Variants in DAAM2 observed in about 807,000 individuals in gnomAD.
DAAM2 encodes dishevelled associated activator of morphogenesis 2.
Under a neutral mutation model 120.7 loss-of-function variants are expected in DAAM2, and 39 were observed. The observed-to-expected ratio is 0.32, with a 90% CI of 0.25 to 0.42. The LOEUF (loss-of-function observed/expected upper bound fraction) is 0.42. Among genes scored for constraint, DAAM2 ranks in the 10% least tolerant of loss-of-function variants. DAAM2 has a pLI of 1.00. For synonymous variants in DAAM2, 488 were observed against 524.9 expected, an observed-to-expected ratio of 0.93 and a Z score of 0.96; for missense variants, 1,283 against 1,401.7, an observed-to-expected ratio of 0.92 and a Z score of 1.35.
chr6:39,855,888 G>A (rs758059037), intron 1 of DAAM2, among the ~76,000 whole-genome samples: 24 of 152,292 alleles, frequency 1.6e-4, no homozygotes, highest in South Asian at 1.5e-3. Flanking sequence ...CGGAAGACAG[G>A]GAATAGGAGC....
rs1766607036 is a variant in DAAM2 at position 39,903,546 on chromosome 6, CTTCT to C, written c.*1512_*1515del. On this transcript the variant is annotated 3_prime_UTR_variant, in exon 25 of 25. Transcript: ENST00000274867. ...ACCACGTTCCGAGTTGGCCTTTCAT[CTTCT>C]TTGAGACTGGCCCTGCCTAACCTCT... 1 of 152,460 alleles carries C rather than the reference CTTCT, an allele frequency of 6.6e-6. No individual in the cohort carries two copies. Among genetic ancestry groups the C allele is most frequent in the South Asian group, 2.1e-4 (1 of 4,836 alleles). 9.4% of individuals were successfully genotyped at this position (152,460 alleles called of 1,614,324 possible).
intron 1 of DAAM2, among the ~76,000 whole-genome samples, chr6:39,823,565 A>T (rs1762563326): frequency 6.6e-6 from 1 of 152,136 alleles, no homozygotes; most frequent in Non-Finnish European, 1.5e-5. Context: ...GGAAGGGGGA[A>T]GTGTGGGGCC....
intron 1 of DAAM2, among the ~76,000 whole-genome samples, chr6:39,811,591 A>G (rs2114064806): frequency 6.6e-6 from 1 of 152,328 alleles, no homozygotes; most frequent in South Asian, 2.1e-4. Context: ...TCCTTAAATC[A>G]CCTCATGATC....
At chr6:39,802,444 TA>T (rs368222660) in intron 1 of DAAM2, among the ~76,000 whole-genome samples, 8 of 151,190 alleles carry the variant, frequency 5.3e-5, no homozygotes, top group Non-Finnish European at 1.2e-4. Flanking sequence ...ATTACTTGGT[TA>T]AAAAAAAAGA....
At chr6:39,892,948 ACTCT>A (rs1415195690) in intron 19 of DAAM2, among the ~76,000 whole-genome samples, 1 of 151,994 alleles carries the variant, frequency 6.6e-6, no homozygotes, top group South Asian at 2.1e-4. Flanking sequence ...AGCAGCAGTG[ACTCT>A]CTATTTCTAA....
chr6:39,805,915 C>A (rs2114029383), intron 1 of DAAM2, among the ~76,000 whole-genome samples: 1 of 152,322 alleles, frequency 6.6e-6, no homozygotes, highest in East Asian at 1.9e-4. Flanking sequence ...TACCATTACG[C>A]TGTTCTTAAA....
At chr6:39,861,264 CT>C in intron 3 of DAAM2, 2 of 543,196 alleles carry the variant, frequency 3.7e-6, no homozygotes, top group South Asian at 3.6e-5. Context: ...AGGACTGGGG[CT>C]TGCTGGGAGA....
At chr6:39,808,018 T>C (rs1762058080) in intron 1 of DAAM2, among the ~76,000 whole-genome samples, 1 of 151,730 alleles carries the variant, frequency 6.6e-6, no homozygotes, top group African/African-American at 2.4e-5. Flanking sequence ...CATCTCCAAA[T>C]AGGCTCTTCT....
chr6:39,895,252 T>C (rs995331770), intron 19 of DAAM2, among the ~76,000 whole-genome samples: 2 of 152,006 alleles, frequency 1.3e-5, no homozygotes, highest in African/African-American at 2.4e-5. Flanking sequence ...ATTTATTTAT[T>C]TGAGACGGAG....
chr6:39,887,754 G>A, intron 16 of DAAM2, 162 bp downstream of exon 16: 1 of 577,132 alleles, frequency 1.7e-6, no homozygotes, highest in Non-Finnish European at 3.1e-6. Flanking sequence ...GCAGCAGTTT[G>A]GGGCTCTGCA....
intron 19 of DAAM2, among the ~76,000 whole-genome samples, chr6:39,894,663 C>G (rs1262444820): frequency 6.6e-6 from 1 of 152,102 alleles, no homozygotes; most frequent in African/African-American, 2.4e-5. Flanking sequence ...CCCTGTCACC[C>G]AGGCTGGAGT....
intron 3 of DAAM2, among the ~76,000 whole-genome samples, chr6:39,863,800 C>T (rs950810079): frequency 7.2e-5 from 11 of 152,296 alleles, no homozygotes; most frequent in East Asian, 1.9e-4. Context: ...TCTGCCTCCC[C>T]GCTGCACATC....
At chr6:39,820,654 C>T (rs1441922541) in intron 1 of DAAM2, 1 of 152,090 alleles carries the variant, frequency 6.6e-6, no homozygotes, top group Non-Finnish European at 1.5e-5. Context: ...GAAATTTACC[C>T]TCTGGACAAG....
intron 1 of DAAM2, among the ~76,000 whole-genome samples, chr6:39,842,892 G>A (rs576430100): frequency 1.3e-3 from 191 of 152,010 alleles, no homozygotes; most frequent in Non-Finnish European, 2.4e-3. Flanking sequence ...TTGAGAATCC[G>A]CATGTGGAAC....
At chr6:39,890,633 T>C (rs992153119) in intron 17 of DAAM2, among the ~76,000 whole-genome samples, 1 of 152,218 alleles carries the variant, frequency 6.6e-6, no homozygotes, top group Non-Finnish European at 1.5e-5. Flanking sequence ...TCCTGGGGGA[T>C]GGAAATGTTC....
rs765544819 is a variant in DAAM2 at position 39,868,786 on chromosome 6, G to A, written c.763-37G>A. 2.0e-6 allele frequency: 3 copies of A among 1,492,758 alleles called. No individual in the cohort carries two copies. The Admixed American group carries it at 5.9e-5, about 29-fold the overall frequency. 92.5% of individuals were successfully genotyped at this position (1,492,758 alleles called of 1,614,324 possible). A position where few individuals can be genotyped will look rare whatever the true frequency, so the allele number is the denominator to read the frequency against. On this transcript the variant is annotated intron_variant, in intron 6 of 24. Coordinates refer to ENST00000274867, the MANE Select transcript of DAAM2 (RefSeq NM_001201427.2). The stretch of plus-strand genomic sequence containing the variant: ...AAAGGCCACACCTGTTGGGAACTCA[G>A]CCCTCTCCTCCTGCTCTGTCCTGCA...
At chr6:39,862,867 GC>G in intron 3 of DAAM2, 1 of 140,982 alleles carries the variant, frequency 7.1e-6, no homozygotes, top group Non-Finnish European at 1.5e-5. Flanking sequence ...ATCTCTCACT[GC>G]CTTCCAAACC....
intron 1 of DAAM2, among the ~76,000 whole-genome samples, chr6:39,826,737 A>G (rs1762688404): frequency 1.3e-5 from 2 of 152,228 alleles, no homozygotes; most frequent in Admixed American, 1.3e-4. Context: ...GTGAAAAAGC[A>G]TACTAATGGT....
chr6:39,864,298 G>A (rs1434773537), intron 3 of DAAM2, 135 bp from the exon 4 acceptor site: 5 of 641,990 alleles, frequency 7.8e-6, no homozygotes, highest in Admixed American at 2.9e-5. Context: ...GGGGGAGAGT[G>A]TAATTTCCTC....
Sources: allele counts gnomAD v4.1 joint callset (sites outside exome capture counted in the v4.1 genomes callset), GRCh38; gene constraint gnomAD v4.1.1; transcripts MANE v1.5; gene names NCBI Gene and HGNC (gene_info 2026-07-23, HGNC 2026-07-21).